The following TSPAN15 variants were observed in gnomAD, a reference collection of about 807,000 sequenced individuals.
TSPAN15 encodes tetraspanin 15, also known as tetraspanin-15.
Under a neutral mutation model 34.5 loss-of-function variants are expected in TSPAN15, and 20 were observed. That is an observed-to-expected ratio of 0.58 (90% CI 0.41 to 0.84). The LOEUF (loss-of-function observed/expected upper bound fraction) is 0.84. TSPAN15 is among the 40% of genes least tolerant of loss of function. TSPAN15 has a pLI of 0.00. For missense variants in TSPAN15, 313 were observed against 386.1 expected (o/e 0.81, Z 1.59); for synonymous variants, 155 against 153.9 (o/e 1.01, Z -0.05).
chr10:69,479,376 A>G (rs1257131082), intron 1 of TSPAN15, among the ~76,000 whole-genome samples: 4 of 152,224 alleles, frequency 2.6e-5, no homozygotes, highest in African/African-American at 9.6e-5. Context: ...GAGGACCTTC[A>G]GGTCTGGTTC....
chr10:69,531,951 C>A, the TSPAN15 span, among the ~76,000 whole-genome samples: 37,025 of 144,754 alleles, frequency 0.26, 5,082 homozygotes, highest in East Asian at 0.58. Context: ...AAAAAAAAAA[C>A]AAAAAAAAAA....
At chr10:69,480,684 C>CT (rs1382239693) in intron 1 of TSPAN15, among the ~76,000 whole-genome samples, 2 of 151,778 alleles carry the variant, frequency 1.3e-5, no homozygotes, top group East Asian at 1.9e-4. Context: ...GGGACTTGGC[C>CT]TTTTTTTTCT....
the TSPAN15 span, among the ~76,000 whole-genome samples, chr10:69,547,457 T>A: frequency 2.6e-5 from 4 of 152,230 alleles, no homozygotes; most frequent in Admixed American, 2.0e-4. Context: ...CTGTTCTTCA[T>A]GTTGTTGCTA....
chr10:69,456,138 A>T (rs572929839), intron 1 of TSPAN15, among the ~76,000 whole-genome samples: 109 of 149,600 alleles, frequency 7.3e-4, no homozygotes, highest in Non-Finnish European at 1.4e-3. Flanking sequence ...CCTAGACTGG[A>T]GTACAATGGT....
intron 1 of TSPAN15, among the ~76,000 whole-genome samples, chr10:69,475,479 G>A (rs1841596377): frequency 2.0e-5 from 3 of 152,080 alleles, no homozygotes; most frequent in African/African-American, 2.4e-5. Flanking sequence ...TCAGTTATTT[G>A]TTCTACCGCT....
At chr10:69,519,097 A>G in the TSPAN15 span, among the ~76,000 whole-genome samples, 8 of 152,354 alleles carry the variant, frequency 5.3e-5, no homozygotes, top group East Asian at 7.7e-4. Context: ...CAAGAACACA[A>G]TGCTGAGGAG....
rs74339499 is a variant in TSPAN15, at chr10:69,451,928, C to T, written c.96+238C>T. On this transcript the variant is annotated intron_variant, in intron 1 of 7. Coordinates refer to ENST00000373290, the MANE Select transcript of TSPAN15 (RefSeq NM_012339.5). Reference sequence around the variant, plus strand: ...ACCGACCGAGTGCCACCTGGCTCACCTGTGTGCACCGGCTGGGCGGTTTGC... The same window carrying T: ...ACCGACCGAGTGCCACCTGGCTCACTTGTGTGCACCGGCTGGGCGGTTTGC... Among the ~76,000 whole-genome samples the T allele has an allele frequency of 5.0e-3, 755 of 152,340 alleles. 5 individuals carry two copies. Among genetic ancestry groups the T allele is most frequent in the African/African-American group, 0.017 (720 of 41,554 alleles).
At chr10:69,451,738 C>T in intron 1 of TSPAN15, 48 bp downstream of exon 1, 5 of 1,363,174 alleles carry the variant, frequency 3.7e-6, no homozygotes, top group Non-Finnish European at 4.8e-6. Flanking sequence ...GACCCACAAT[C>T]CGGCCGCCCC....
In TSPAN15 at chr10:69,483,383, C is replaced by A. The variant is rs1841779619; in HGVS notation, c.97-308C>A. Among the ~76,000 whole-genome samples the A allele has an allele frequency of 2.0e-5, 3 of 152,080 alleles. No homozygotes were observed. In the South Asian group the frequency reaches 6.2e-4, roughly 32 times the overall value. ...GTCTTCCCTCTGTGAGTGTCTGTGT[C>A]ATAATCTCTTCCCCTTATAAGGACA... On this transcript the variant is annotated intron_variant, in intron 1 of 7. Coordinates refer to ENST00000373290, the MANE Select transcript of TSPAN15 (RefSeq NM_012339.5).
chr10:69,523,402 TA>T, the TSPAN15 span: 1 of 580,486 alleles, frequency 1.7e-6, no homozygotes, highest in South Asian at 1.6e-5. Flanking sequence ...AGCCTGGTAG[TA>T]AAAGCTGGTG....
Position 69,485,161 on chromosome 10 carries a change from C to T in TSPAN15, c.303C>T (p.Ile101=). The change falls in exon 3 of 8, where the codon ATC becomes ATT. Residue 101 remains isoleucine (I), a synonymous_variant. Coordinates refer to ENST00000373290, the MANE Select transcript of TSPAN15 (RefSeq NM_012339.5). ...TCCAGTTCATGTACATCCTTGGGAT[C>T]TGCCTCATCATGGAGCTCATTGGTG... The part of the protein sequence containing the change: ...LLQAFMYILG[I]CLIMELIGGV... 6.2e-7 allele frequency: 1 copy of T among 1,614,196 alleles called. No individual in the cohort carries two copies. The highest frequency in any genetic ancestry group is 2.2e-5 in the East Asian group (1 of 44,874).
At chr10:69,453,924 A>G (rs1841028405) in intron 1 of TSPAN15, among the ~76,000 whole-genome samples, 1 of 152,186 alleles carries the variant, frequency 6.6e-6, no homozygotes, top group Non-Finnish European at 1.5e-5. Flanking sequence ...CCATGCCAAG[A>G]ACTCAGCCAC....
At chr10:69,535,614 G>C in the TSPAN15 span, among the ~76,000 whole-genome samples, 4 of 152,290 alleles carry the variant, frequency 2.6e-5, no homozygotes, top group African/African-American at 9.6e-5. Flanking sequence ...AGAATATCTG[G>C]TGTGATTTGA....
chr10:69,458,171 C>T lies in TSPAN15; in HGVS notation c.96+6481C>T, dbSNP rs191996751. Among the ~76,000 whole-genome samples the T allele has an allele frequency of 2.2e-3, 334 of 152,318 alleles. 4 individuals carry two copies. Among genetic ancestry groups the T allele is most frequent in the Non-Finnish European group, 2.6e-4 (18 of 68,034 alleles). ...AGGGTGAGGGTAGAAGATAACCTTTCTGAAAGAGGCCACGTCCCTGGCCTC... is the reference window on the plus strand; with the variant it reads ...AGGGTGAGGGTAGAAGATAACCTTTTTGAAAGAGGCCACGTCCCTGGCCTC... On this transcript the variant is annotated intron_variant, in intron 1 of 7. Transcript: ENST00000373290.
chr10:69,454,598 C>G (rs556587135), intron 1 of TSPAN15, among the ~76,000 whole-genome samples: 1 of 152,200 alleles, frequency 6.6e-6, no homozygotes, highest in East Asian at 1.9e-4. Flanking sequence ...GGGCAGATTG[C>G]TTGAACCTGG....
intron 3 of TSPAN15, among the ~76,000 whole-genome samples, chr10:69,492,424 G>C (rs559740460): frequency 1.3e-5 from 2 of 152,040 alleles, no homozygotes; most frequent in Non-Finnish European, 2.9e-5. Flanking sequence ...ACATACACAC[G>C]TGCACACACA....
chr10:69,508,469 AAGAAG>A (rs1842381562), downstream of TSPAN15, among the ~76,000 whole-genome samples: 5 of 134,630 alleles, frequency 3.7e-5, no homozygotes, highest in South Asian at 1.3e-3. Flanking sequence ...AAAAAAAAAA[AAGAAG>A]AAGAAATAAA....
intron 4 of TSPAN15, among the ~76,000 whole-genome samples, chr10:69,496,558 A>G (rs1396744715): frequency 6.6e-6 from 1 of 152,122 alleles, no homozygotes; most frequent in Admixed American, 6.5e-5. Context: ...GGGTGAGACC[A>G]CAGTGCCAGC....
At chr10:69,493,275 C>T (rs532908397) in intron 3 of TSPAN15, among the ~76,000 whole-genome samples, 25 of 152,228 alleles carry the variant, frequency 1.6e-4, no homozygotes, top group African/African-American at 4.8e-4. Flanking sequence ...ACTTCTGCCC[C>T]GGGGGCCAGT....
Sources: allele counts gnomAD v4.1 joint callset (sites outside exome capture counted in the v4.1 genomes callset), GRCh38; gene constraint gnomAD v4.1.1; transcripts MANE v1.5; gene names NCBI Gene and HGNC (gene_info 2026-07-23, HGNC 2026-07-21).